Variants in SLC6A5 observed in about 807,000 individuals in gnomAD.
The protein encoded by SLC6A5 is solute carrier family 6 member 5, also known as sodium- and chloride-dependent glycine transporter 2.
In SLC6A5, 58 loss-of-function variants were observed where a neutral mutation model predicts 90.5. The observed-to-expected ratio is 0.64, with a 90% CI of 0.52 to 0.80. The LOEUF (loss-of-function observed/expected upper bound fraction) is 0.80, where lower values mean the gene tolerates loss of function less well. SLC6A5 is among the 30% of genes least tolerant of loss of function. The pLI, the probability that SLC6A5 is intolerant of heterozygous loss-of-function variation, is 0.00. For missense variants in SLC6A5, 1,015 were observed against 1,017.6 expected (o/e 1.00, Z 0.03); for synonymous variants, 427 against 401.4 (o/e 1.06, Z -0.76).
chr11:20,616,867 C>T (rs1852792130), intron 6 of SLC6A5, among the ~76,000 whole-genome samples: 1 of 152,200 alleles, frequency 6.6e-6, no homozygotes, highest in African/African-American at 2.4e-5. Flanking sequence ...ATTCTCTGGG[C>T]CATCATTCCT....
At chr11:20,606,709 C>T (rs974587326) in intron 3 of SLC6A5, among the ~76,000 whole-genome samples, 1 of 151,878 alleles carries the variant, frequency 6.6e-6, no homozygotes, top group South Asian at 2.1e-4. Context: ...AACTGAAGTG[C>T]TATAATAAAA....
chr11:20,622,821 T>C (rs1195701453), intron 7 of SLC6A5, among the ~76,000 whole-genome samples: 1 of 152,098 alleles, frequency 6.6e-6, no homozygotes, highest in African/African-American at 2.4e-5. Flanking sequence ...CCCCAGGTGG[T>C]CAGAGGATGG....
At chr11:20,632,137 G>T (rs1853120918) in intron 10 of SLC6A5, among the ~76,000 whole-genome samples, 1 of 152,100 alleles carries the variant, frequency 6.6e-6, no homozygotes, top group African/African-American at 2.4e-5. Context: ...AGGGTAAACG[G>T]GTTTTGTCCT....
At chr11:20,613,180 C>A (rs1852724916) in intron 5 of SLC6A5, among the ~76,000 whole-genome samples, 1 of 152,164 alleles carries the variant, frequency 6.6e-6, no homozygotes, top group Admixed American at 6.5e-5. Flanking sequence ...TCCCTCTGTG[C>A]CCCAGTTTTC....
chr11:20,657,415 A>G lies in SLC6A5; in HGVS notation c.*2547A>G, dbSNP rs1029415092. On this transcript the variant is annotated 3_prime_UTR_variant, in exon 16 of 16. Coordinates refer to ENST00000525748, the MANE Select transcript of SLC6A5 (RefSeq NM_004211.5). ...TGTTTCCCCCCCACCCCACTTCACT[A>G]TAATTTCCAAGATTTATTTCCCTTT... 1 of 151,998 alleles carries G rather than the reference A, an allele frequency of 6.6e-6. No homozygotes were observed. The highest frequency in any genetic ancestry group is 1.5e-5 in the Non-Finnish European group (1 of 67,976). The allele number at this position is 151,998 out of a possible 1,614,324, so 9.4% of individuals were successfully genotyped here.
rs1349268199 is a variant in SLC6A5, at chr11:20,654,694, G to A, written c.2239-19G>A. On this transcript the variant is annotated intron_variant, in intron 15 of 15. Coordinates refer to ENST00000525748, the MANE Select transcript of SLC6A5 (RefSeq NM_004211.5). ...GTGCACTACTTCTGTGACCATGTCT[G>A]TCTTTGGCTTCTTTGCAGAGGCTGA... 3 of 1,613,982 alleles carry A rather than the reference G, an allele frequency of 1.9e-6. No homozygotes were observed. Among genetic ancestry groups the A allele is most frequent in the Non-Finnish European group, 2.5e-6 (3 of 1,179,974 alleles).
chr11:20,653,940 A>C (rs1853586938), intron 15 of SLC6A5, among the ~76,000 whole-genome samples: 1 of 152,270 alleles, frequency 6.6e-6, no homozygotes, highest in Non-Finnish European at 1.5e-5. Flanking sequence ...AGGAGAGATT[A>C]AACTAACAGC....
rs1853091597 is a variant in SLC6A5, at chr11:20,630,682, T to C, written c.1500-9T>C. On this transcript the variant is annotated splice_polypyrimidine_tract_variant and intron_variant, in intron 9 of 15. Coordinates refer to ENST00000525748, the MANE Select transcript of SLC6A5 (RefSeq NM_004211.5). ...CACCTAATGGAAAACTCTGGTCTCT[T>C]CCTTCCAGGGACACTCTAATTGTCA... 6.2e-7 allele frequency: 1 copy of C among 1,614,118 alleles called. No homozygotes were observed. Among genetic ancestry groups the C allele is most frequent in the African/African-American group, 1.3e-5 (1 of 74,946 alleles).
intron 2 of SLC6A5, among the ~76,000 whole-genome samples, chr11:20,604,060 T>A (rs1251633997): frequency 2.0e-5 from 3 of 151,920 alleles, no homozygotes; most frequent in Non-Finnish European, 4.4e-5. Context: ...AGATCAGAAT[T>A]GAGGACCTGC....
At chr11:20,600,375 GA>G (rs1852440790) in intron 1 of SLC6A5, among the ~76,000 whole-genome samples, 1 of 149,672 alleles carries the variant, frequency 6.7e-6, no homozygotes, top group Admixed American at 6.6e-5. Context: ...AGAAGAAGAA[GA>G]AGAAGAAGAA....
chr11:20,647,749 C>G (rs1853448716), intron 14 of SLC6A5, among the ~76,000 whole-genome samples: 1 of 152,140 alleles, frequency 6.6e-6, no homozygotes, highest in Admixed American at 6.6e-5. Context: ...CCTTGTACAT[C>G]TAATAATTAT....
At chr11:20,626,984 T>C (rs1590169050) in intron 8 of SLC6A5, 142 bp downstream of exon 8, 2 of 696,418 alleles carry the variant, frequency 2.9e-6, no homozygotes, top group East Asian at 5.3e-5. Flanking sequence ...CATTATGCAC[T>C]CAGGAAATAT....
At chr11:20,608,944 C>CTGTGTGTG (rs1410710502) in intron 5 of SLC6A5, among the ~76,000 whole-genome samples, 3 of 118,852 alleles carry the variant, frequency 2.5e-5, no homozygotes, top group African/African-American at 8.6e-5. Flanking sequence ...CTCTCTCTCT[C>CTGTGTGTG]TCTCTCTCTC....
At chr11:20,600,920 T>G (rs1235274050) in intron 1 of SLC6A5, among the ~76,000 whole-genome samples, 2 of 152,180 alleles carry the variant, frequency 1.3e-5, no homozygotes, top group Non-Finnish European at 2.9e-5. Context: ...GGAGGGAATA[T>G]TAGCTTCTTT....
intron 10 of SLC6A5, among the ~76,000 whole-genome samples, chr11:20,633,749 C>T (rs77951044): frequency 0.14 from 21,618 of 152,196 alleles, 1,724 homozygotes; most frequent in African/African-American, 0.21. Flanking sequence ...ATTTAATTCT[C>T]ACGGAAGCTC....
chr11:20,599,949 C>T (rs1852426565), intron 1 of SLC6A5, among the ~76,000 whole-genome samples: 2 of 152,040 alleles, frequency 1.3e-5, no homozygotes, highest in South Asian at 4.1e-4. Flanking sequence ...AGCCAGATGC[C>T]GGTACAGAGG....
intron 2 of SLC6A5, among the ~76,000 whole-genome samples, chr11:20,603,072 T>C (rs894748): frequency 1 from 151,971 of 152,308 alleles, 75,823 homozygotes; most frequent in Middle Eastern, 1. Context: ...TTCAGCCCTG[T>C]CCATCTTTCT....
At chr11:20,606,486 G>A (rs1852583867) in intron 3 of SLC6A5, among the ~76,000 whole-genome samples, 1 of 152,096 alleles carries the variant, frequency 6.6e-6, no homozygotes, top group Non-Finnish European at 1.5e-5. Flanking sequence ...AAGAAGGATG[G>A]GTATTCCCCA....
Position 20,608,139 on chromosome 11 carries a change from G to T in SLC6A5, c.985+487G>T, listed in dbSNP as rs1228123510. 2.0e-5 allele frequency among the ~76,000 whole-genome samples: 3 copies of T among 152,206 alleles called. No individual in the cohort carries two copies. The East Asian group carries it at 5.8e-4, about 29-fold the overall frequency. On this transcript the variant is annotated intron_variant, in intron 5 of 15. Coordinates refer to ENST00000525748, the MANE Select transcript of SLC6A5 (RefSeq NM_004211.5). ...GTGATGGTCTAATTCCTAGAGTCCA[G>T]GAGAGCGATCCTGGGGCCAGACTTC...
Sources: allele counts gnomAD v4.1 joint callset (sites outside exome capture counted in the v4.1 genomes callset), GRCh38; gene constraint gnomAD v4.1.1; transcripts MANE v1.5; gene names NCBI Gene and HGNC (gene_info 2026-07-23, HGNC 2026-07-21).